The following CMTM7 variants were observed in gnomAD, a reference collection of about 807,000 sequenced individuals.
CMTM7 encodes CKLF like MARVEL transmembrane domain containing 7.
A neutral mutation model predicts 19.3 loss-of-function variants in CMTM7; 7 were observed. The observed-to-expected ratio is 0.36, with a 90% CI of 0.21 to 0.68. The LOEUF is 0.68. Among genes scored for constraint, CMTM7 ranks in the 30% least tolerant of loss-of-function variants. The pLI is 0.60. For missense variants in CMTM7, 193 were observed against 232.6 expected (o/e 0.83, Z 1.11); for synonymous variants, 87 against 99.3 (o/e 0.88, Z 0.74).
At chr3:32,441,816 C>T in intron 1 of CMTM7, 24 bp from the exon 2 acceptor site, 6 of 1,610,716 alleles carry the variant, frequency 3.7e-6, no homozygotes, top group Non-Finnish European at 4.2e-6. Context: ...AAGCATTTCT[C>T]TGATGTCTCT....
Position 32,441,825 on chromosome 3 carries a change from C to CG in CMTM7, c.160-15_160-14insG. 1 of 1,613,056 alleles carries CG rather than the reference C, an allele frequency of 6.2e-7. No homozygotes were observed. Among genetic ancestry groups the CG allele is most frequent in the South Asian group, 1.1e-5 (1 of 90,984 alleles). On this transcript the variant is annotated splice_polypyrimidine_tract_variant and intron_variant, in intron 1 of 4. Coordinates refer to ENST00000334983, the MANE Select transcript of CMTM7 (RefSeq NM_138410.4). ...TTGGGCAAGCATTTCTCTGATGTCT[C>CG]TATTTATGTGGCAGGTCACCCTGCT...
intron 1 of CMTM7, among the ~76,000 whole-genome samples, chr3:32,435,473 T>C (rs1255912246): frequency 6.6e-6 from 1 of 152,236 alleles, no homozygotes; most frequent in Admixed American, 6.5e-5. Flanking sequence ...GCGCTGTTTG[T>C]ATTAATGAAA....
In CMTM7 at chr3:32,392,047, G is replaced by A. The variant is rs780949461; in HGVS notation, c.141G>A (p.Leu47=). The change falls in exon 1 of 5, where the codon CTG becomes CTA. Residue 47 remains leucine, a synonymous_variant. Transcript: ENST00000334983. The part of the protein sequence containing the change: ...DLSYPRTHAA[L]LKVAQMVTLL... ...GCTACCCCCGCACCCACGCGGCCCT[G>A]CTGAAAGTGGCGCAAATGGTAAGTG... The A allele has an allele frequency of 3.2e-6, 4 of 1,234,886 alleles. No individual in the cohort carries two copies. Among genetic ancestry groups the A allele is most frequent in the Non-Finnish European group, 3.0e-6 (3 of 986,964 alleles). The allele number at this position is 1,234,886 out of a possible 1,614,324, so 76.5% of individuals were successfully genotyped here. A position where few individuals can be genotyped will look rare whatever the true frequency, so the allele number is the denominator to read the frequency against.
chr3:32,404,142 CTTTTTTTTTCTTTTTTTTTCTTT>C (rs1424895704), intron 1 of CMTM7, among the ~76,000 whole-genome samples: 3 of 109,232 alleles, frequency 2.7e-5, no homozygotes, highest in Admixed American at 8.7e-5. Flanking sequence ...TTCTTTCTTT[CTTTTTTTTTCTTTTTTTTTCTTT>C]TTTTTTTTTT....
chr3:32,437,287 G>A (rs964214648), intron 1 of CMTM7, among the ~76,000 whole-genome samples: 1 of 152,110 alleles, frequency 6.6e-6, no homozygotes, highest in Admixed American at 6.6e-5. Context: ...GAGGGCTCTT[G>A]CAGTGTTACT....
At chr3:32,415,195 A>AAATAAT (rs141290896) in intron 1 of CMTM7, among the ~76,000 whole-genome samples, 21 of 151,508 alleles carry the variant, frequency 1.4e-4, no homozygotes, top group South Asian at 8.4e-4. Context: ...CTCTGTCTCA[A>AAATAAT]AATAATAATA....
chr3:32,433,302 G>A (rs1228138545), intron 1 of CMTM7, among the ~76,000 whole-genome samples: 1 of 152,196 alleles, frequency 6.6e-6, no homozygotes, highest in East Asian at 1.9e-4. Context: ...AGTGAAGTAC[G>A]GTGGTGAATC....
chr3:32,414,119 T>C (rs1463657409), intron 1 of CMTM7, among the ~76,000 whole-genome samples: 2 of 152,182 alleles, frequency 1.3e-5, no homozygotes, highest in Non-Finnish European at 2.9e-5. Flanking sequence ...CTCCACCTGG[T>C]CCTGTCTTGC....
Position 32,454,592 on chromosome 3 carries a change from C to T in CMTM7, c.*338C>T, listed in dbSNP as rs925036039. The stretch of plus-strand genomic sequence containing the variant: ...AGCTGAAGGGGTTTGTGAATACTCC[C>T]GCCTAAATCCCTTCTACTTCACTCC... On this transcript the variant is annotated 3_prime_UTR_variant, in exon 5 of 5. Coordinates refer to ENST00000334983, the MANE Select transcript of CMTM7 (RefSeq NM_138410.4). 1.8e-5 allele frequency: 9 copies of T among 499,664 alleles called. No individual in the cohort carries two copies. Among genetic ancestry groups the T allele is most frequent in the South Asian group, 3.7e-5 (2 of 54,352 alleles). The allele number at this position is 499,664 out of a possible 1,614,324, so 31.0% of individuals were successfully genotyped here. A position where few individuals can be genotyped will look rare whatever the true frequency, so the allele number is the denominator to read the frequency against.
chr3:32,429,189 A>G (rs937455679), intron 1 of CMTM7, among the ~76,000 whole-genome samples: 1 of 152,032 alleles, frequency 6.6e-6, no homozygotes, highest in African/African-American at 2.4e-5. Context: ...ACTTCCTCTC[A>G]TGCCTTTATG....
chr3:32,408,551 G>A (rs965606703), intron 1 of CMTM7, among the ~76,000 whole-genome samples: 13 of 136,398 alleles, frequency 9.5e-5, no homozygotes, highest in Admixed American at 1.5e-4. Context: ...TGAGAAAAAC[G>A]GAACAATAAA....
intron 1 of CMTM7, among the ~76,000 whole-genome samples, chr3:32,422,139 T>C (rs1575116381): frequency 6.6e-6 from 1 of 152,226 alleles, no homozygotes; most frequent in South Asian, 2.1e-4. Flanking sequence ...AACGTGATGA[T>C]CACACGTTCT....
intron 1 of CMTM7, among the ~76,000 whole-genome samples, chr3:32,418,296 T>G (rs1429737393): frequency 6.6e-6 from 1 of 152,230 alleles, no homozygotes; most frequent in Non-Finnish European, 1.5e-5. Flanking sequence ...TGTTCGTATA[T>G]TCTGGATAAA....
In CMTM7 at chr3:32,449,622, G is replaced by C; in HGVS notation, c.432+70G>C. The C allele has an allele frequency of 8.3e-7, 1 of 1,201,974 alleles. No individual in the cohort carries two copies. The allele number at this position is 1,201,974 out of a possible 1,614,324, so 74.5% of individuals were successfully genotyped here. On this transcript the variant is annotated intron_variant, in intron 3 of 4. Transcript: ENST00000334983. The surrounding 1 kb of genome is among the most constrained non-coding windows in gnomAD (Gnocchi z 4.5). ...AATGCTCATTTTCTTCCTGATGGGG[G>C]AAGAGAAGGGCTTGGTTTCTGGGGC...
At chr3:32,434,913 A>G (rs1696574107) in intron 1 of CMTM7, among the ~76,000 whole-genome samples, 1 of 152,230 alleles carries the variant, frequency 6.6e-6, no homozygotes, top group South Asian at 2.1e-4. Flanking sequence ...CCAATCCACT[A>G]GTAATTAAGG....
intron 4 of CMTM7, among the ~76,000 whole-genome samples, 184 bp from the exon 5 acceptor site, chr3:32,454,057 A>G (rs1696873489): frequency 6.6e-6 from 1 of 152,182 alleles, no homozygotes; most frequent in Non-Finnish European, 1.5e-5. Context: ...CCTCTGCACT[A>G]CCGAAGTTTT....
intron 1 of CMTM7, among the ~76,000 whole-genome samples, chr3:32,403,218 TTG>T (rs1696036226): frequency 6.6e-6 from 1 of 152,164 alleles, no homozygotes; most frequent in South Asian, 2.1e-4. Context: ...TTTGTTGTTC[TTG>T]TTGTTTGTTT....
intron 2 of CMTM7, 129 bp downstream of exon 2, chr3:32,442,142 T>C: frequency 3.7e-6 from 3 of 812,364 alleles, no homozygotes; most frequent in Middle Eastern, 3.4e-4. Flanking sequence ...GCCTCTGCCC[T>C]GAATTTCCTA....
At chr3:32,411,241 A>G (rs1446266091) in intron 1 of CMTM7, among the ~76,000 whole-genome samples, 1 of 152,206 alleles carries the variant, frequency 6.6e-6, no homozygotes, top group South Asian at 2.1e-4. Flanking sequence ...AAAAATAATA[A>G]TTATGTGGTA....
Sources: gnomAD v4.1 joint callset for allele counts (sites outside exome capture counted in the v4.1 genomes callset) on GRCh38, gnomAD v4.1.1 for gene constraint, Gnocchi (gnomAD v3.1) non-coding constraint, MANE v1.5 for transcripts, NCBI Gene and HGNC (gene_info 2026-07-23, HGNC 2026-07-21) for gene names.